DLG2: variants seen among roughly 807,000 people sequenced by gnomAD.
DLG2 encodes disks large homolog 2.
DLG2 carries 45 observed loss-of-function variants against 132.5 expected under a neutral mutation model. The observed-to-expected ratio is 0.34, with a 90% CI of 0.27 to 0.44. DLG2 has a LOEUF of 0.44. DLG2 is among the 20% of genes least tolerant of loss of function. The pLI is 1.00. For missense variants in DLG2, 1,045 were observed against 1,196.9 expected, an observed-to-expected ratio of 0.87 and a Z score of 1.87; for synonymous variants, 424 against 419.6, an observed-to-expected ratio of 1.01 and a Z score of -0.13.
Position 84,480,172 on chromosome 11 carries a change from AT to A in DLG2, c.519+54397del, listed in dbSNP as rs547886949. Among the ~76,000 whole-genome samples, 28 of 152,262 alleles carry A rather than the reference AT, an allele frequency of 1.8e-4. No homozygotes were observed. The South Asian group carries it at 5.8e-3, about 32-fold the overall frequency. On this transcript the variant is annotated intron_variant, in intron 7 of 27. Transcript: ENST00000376104. ...CAACCTGAAAACAATATGGAAATCT[AT>A]TATTTTAATTTCTTTTAATCTTGAG...
chr11:84,923,483 A>T (rs951051737), intron 6 of DLG2: 28 of 998,826 alleles, frequency 2.8e-5, no homozygotes, highest in Non-Finnish European at 3.3e-5. Context: ...GGAGGGGGGG[A>T]AAGGTGAAGA....
intron 11 of DLG2, among the ~76,000 whole-genome samples, chr11:84,023,493 G>T (rs544308190): frequency 3.9e-5 from 6 of 152,102 alleles, no homozygotes; most frequent in Non-Finnish European, 7.4e-5. Context: ...TTTGAACCTA[G>T]ATTTACTTGG....
intron 6 of DLG2, among the ~76,000 whole-genome samples, chr11:84,816,425 G>A (rs1408259364): frequency 1.3e-5 from 2 of 151,620 alleles, no homozygotes; most frequent in Non-Finnish European, 2.9e-5. Context: ...TTTATCTTAA[G>A]GCCGTTTGAA....
chr11:83,639,975 T>A (rs2066004944), intron 18 of DLG2, among the ~76,000 whole-genome samples: 1 of 152,162 alleles, frequency 6.6e-6, no homozygotes, highest in Non-Finnish European at 1.5e-5. Context: ...AAATATAAGA[T>A]AGGTGTTGCT....
At chr11:84,130,287 A>G (rs1342929889) in intron 9 of DLG2, among the ~76,000 whole-genome samples, 1 of 151,982 alleles carries the variant, frequency 6.6e-6, no homozygotes, top group Non-Finnish European at 1.5e-5. Flanking sequence ...TTTATTCTAC[A>G]TAGAAACACA....
intron 6 of DLG2, chr11:84,545,685 G>T (rs905708792): frequency 4.2e-5 from 12 of 282,932 alleles, no homozygotes; most frequent in Non-Finnish European, 8.3e-5. Context: ...CCACTGCCTC[G>T]GTCATTCATG....
At chr11:85,114,120 G>A (rs895932393) in intron 5 of DLG2, among the ~76,000 whole-genome samples, 5 of 152,006 alleles carry the variant, frequency 3.3e-5, no homozygotes, top group African/African-American at 1.2e-4. Flanking sequence ...ACCACAGCAG[G>A]TGGAGAAGGA....
At chr11:84,705,400 C>T (rs747744476) in intron 6 of DLG2, among the ~76,000 whole-genome samples, 1 of 151,694 alleles carries the variant, frequency 6.6e-6, no homozygotes, top group Non-Finnish European at 1.5e-5. Flanking sequence ...ACCCTTCTTA[C>T]CAGTTCTATT....
chr11:83,717,861 G>A (rs1442906863), intron 18 of DLG2, among the ~76,000 whole-genome samples: 2 of 152,178 alleles, frequency 1.3e-5, no homozygotes, highest in Non-Finnish European at 2.9e-5. Context: ...CAGGTGCTAG[G>A]TTACATTATT....
Position 83,541,872 on chromosome 11 carries a change from CAA to C in DLG2, c.1941-16_1941-15del, listed in dbSNP as rs781773170. On this transcript the variant is annotated splice_polypyrimidine_tract_variant and intron_variant, in intron 19 of 27. Transcript: ENST00000376104. Reference sequence around the variant, plus strand: ...TCGAACATGGCTCTGGAGGAAAGGACAAAAGAGGACATTGTTAGGAATCTCTG... The same window carrying C: ...TCGAACATGGCTCTGGAGGAAAGGACAAGAGGACATTGTTAGGAATCTCTG... 6.3e-7 allele frequency: 1 copy of C among 1,580,200 alleles called. No homozygotes were observed. The highest frequency in any genetic ancestry group is 8.6e-7 in the Non-Finnish European group (1 of 1,162,164).
intron 6 of DLG2, among the ~76,000 whole-genome samples, chr11:84,565,322 T>G (rs1365007771): frequency 6.6e-6 from 1 of 152,150 alleles, no homozygotes; most frequent in East Asian, 1.9e-4. Flanking sequence ...TATAGGGATT[T>G]GGGTCTAAAT....
At chr11:84,151,177 G>A (rs560982492) in intron 9 of DLG2, among the ~76,000 whole-genome samples, 5 of 151,544 alleles carry the variant, frequency 3.3e-5, no homozygotes, top group Admixed American at 3.3e-4. Context: ...CAGTTTCAGT[G>A]AAACTGGTTT....
At chr11:85,526,010 C>A (rs1479531944) in intron 3 of DLG2, among the ~76,000 whole-genome samples, 2 of 152,172 alleles carry the variant, frequency 1.3e-5, no homozygotes, top group Non-Finnish European at 2.9e-5. Context: ...GTACTTAAGG[C>A]TGACACAGAT....
At chr11:83,469,951 A>C (rs2091801469) in intron 24 of DLG2, among the ~76,000 whole-genome samples, 1 of 152,188 alleles carries the variant, frequency 6.6e-6, no homozygotes, top group Non-Finnish European at 1.5e-5. Context: ...ACTAAAAATC[A>C]GCAACTCTAA....
intron 3 of DLG2, among the ~76,000 whole-genome samples, chr11:85,478,086 C>G (rs1049636942): frequency 6.6e-6 from 1 of 151,972 alleles, no homozygotes; most frequent in Admixed American, 6.6e-5. Flanking sequence ...TAGCTCACTG[C>G]AGCCTCAAAC....
intron 6 of DLG2, among the ~76,000 whole-genome samples, chr11:85,021,862 T>A (rs991510172): frequency 2.6e-5 from 4 of 152,170 alleles, no homozygotes; most frequent in African/African-American, 9.7e-5. Context: ...TGCCTTCTTT[T>A]CACACGTCAT....
At chr11:85,224,527 T>C (rs780172332) in intron 4 of DLG2, among the ~76,000 whole-genome samples, 6 of 152,126 alleles carry the variant, frequency 3.9e-5, no homozygotes, top group Non-Finnish European at 8.8e-5. Context: ...TTAAACTTAG[T>C]GAAGAAGAGC....
intron 6 of DLG2, among the ~76,000 whole-genome samples, chr11:85,075,526 T>C (rs2066416897): frequency 6.6e-6 from 1 of 151,904 alleles, no homozygotes; most frequent in Non-Finnish European, 1.5e-5. Flanking sequence ...AACATTTTAC[T>C]GACTGAAATA....
At chr11:83,930,639 T>C (rs142682761) in intron 14 of DLG2, among the ~76,000 whole-genome samples, 156 bp from the exon 15 acceptor site, 5 of 152,240 alleles carry the variant, frequency 3.3e-5, no homozygotes, top group Admixed American at 2.0e-4. Flanking sequence ...TTGTAACTTT[T>C]CTTATAATAA....
Sources: gnomAD v4.1 joint callset for allele counts (sites outside exome capture counted in the v4.1 genomes callset) on GRCh38, gnomAD v4.1.1 for gene constraint, MANE v1.5 for transcripts, NCBI Gene and HGNC (gene_info 2026-07-23, HGNC 2026-07-21) for gene names.